The following GPRIN2 variants were observed in gnomAD, a reference collection of about 807,000 sequenced individuals.
GPRIN2 encodes G protein-regulated inducer of neurite outgrowth 2.
In GPRIN2, 1 loss-of-function variant was observed where a neutral mutation model predicts 0.3. The observed-to-expected ratio is 3.90, with a 90% CI of 1.39 to 18.51. The LOEUF is 18.51. Among genes scored for constraint, GPRIN2 ranks in the 30% most tolerant of loss-of-function variants. The pLI, the probability that GPRIN2 is intolerant of heterozygous loss-of-function variation, is 0.11. For missense variants in GPRIN2, 880 were observed against 604.2 expected (o/e 1.46, Z -4.79); for synonymous variants, 361 against 258.6 (o/e 1.40, Z -3.80).
At position 46,548,955 on chromosome 10, in the gene GPRIN2, T is replaced by G; in HGVS notation, c.*405A>C. 9.0e-6 allele frequency: 2 copies of G among 221,612 alleles called. No individual in the cohort carries two copies. The highest frequency in any genetic ancestry group is 8.9e-6 in the Non-Finnish European group (1 of 112,368). 13.7% of individuals were successfully genotyped at this position (221,612 alleles called of 1,614,324 possible). On this transcript the variant is annotated 3_prime_UTR_variant, in exon 3 of 3. Coordinates refer to ENST00000374314, the MANE Select transcript of GPRIN2 (RefSeq NM_001385282.1). ...CAGTCCCTGTCACTGGGGCCTCACA[T>G]TTCATGTCGAGAATTCACTATTTCT...
Position 46,550,381 on chromosome 10 carries a change from C to T in GPRIN2, c.356G>A (p.Arg119Lys), listed in dbSNP as rs1205965063. 4.3e-6 allele frequency: 7 copies of T among 1,612,168 alleles called. No homozygotes were observed. The highest frequency in any genetic ancestry group is 2.2e-5 in the South Asian group (2 of 91,004). ...LRAPSAAAMQ[R>K]SHSDLVRSTQ... ...GCTACGGACCAGGTCTGAATGGCTC[C>T]TCTGCATAGCAGCAGCACTAGGGGC... Residue 119 changes from arginine (R) to lysine (K), a missense_variant, in exon 3 of 3, where the codon AGG (arginine) becomes AAG (lysine). Transcript: ENST00000374314.
At position 46,542,465 on chromosome 10, in the gene GPRIN2, A is replaced by C. The variant is rs1841834120; in HGVS notation, c.*6895T>G. On this transcript the variant is annotated 3_prime_UTR_variant, in exon 3 of 3. Coordinates refer to ENST00000374314, the MANE Select transcript of GPRIN2 (RefSeq NM_001385282.1). ...TCTCACGAGATCTGATGGTTTTATAAGTGTTTGGTAGTTCCTTCTGCATTC... is the reference window on the plus strand; with the variant it reads ...TCTCACGAGATCTGATGGTTTTATACGTGTTTGGTAGTTCCTTCTGCATTC... 6.6e-6 allele frequency among the ~76,000 whole-genome samples: 1 copy of C among 152,312 alleles called. No homozygotes were observed. The highest frequency in any genetic ancestry group is 1.5e-5 in the Non-Finnish European group (1 of 68,058).
chr10:46,551,268 A>C (rs1344320923), intron 2 of GPRIN2: 1 of 433,194 alleles, frequency 2.3e-6, no homozygotes, highest in Non-Finnish European at 3.1e-6. Flanking sequence ...TCTCCTTGGT[A>C]CAGAGTGGGA....
chr10:46,553,122 A>C (rs1378885250), intron 2 of GPRIN2, among the ~76,000 whole-genome samples: 1 of 152,310 alleles, frequency 6.6e-6, no homozygotes, highest in Non-Finnish European at 1.5e-5. Context: ...GGAGAATTCC[A>C]TAAGCTCAGA....
chr10:46,551,595 G>C (rs1366875589), intron 2 of GPRIN2: 3 of 733,394 alleles, frequency 4.1e-6, no homozygotes, highest in African/African-American at 3.8e-5. Context: ...GTGCAGCAGT[G>C]AGATAAGATG....
intron 2 of GPRIN2, among the ~76,000 whole-genome samples, chr10:46,553,978 G>A (rs1842893791): frequency 6.6e-6 from 1 of 152,310 alleles, no homozygotes; most frequent in Admixed American, 6.5e-5. Context: ...GAAGGGGCAG[G>A]GCTCTGCTTC....
rs1832731860 is a variant in GPRIN2 at position 46,549,404 on chromosome 10, G to A, written c.1333C>T (p.Arg445Trp). The A allele has an allele frequency of 1.5e-4, 237 of 1,530,544 alleles. No homozygotes were observed. The East Asian group carries it at 4.0e-3, about 26-fold the overall frequency. 94.8% of individuals were successfully genotyped at this position (1,530,544 alleles called of 1,614,324 possible). The change falls in exon 3 of 3, where the codon CGG becomes TGG. Residue 445 changes from arginine to tryptophan, a missense_variant. Arg to Trp is a moderately radical substitution (Grantham distance 101, BLOSUM62 -3). Transcript: ENST00000374314. The stretch of plus-strand genomic sequence containing the variant: ...GAGCAGCCGCAGCAGCTGGGGCGCC[G>A]CAGGGACTGCATGACAGCCCGCAGT... ...GPLRAVMQSL[R>W]RPSCCGCSGA...
chr10:46,555,753 C>T (rs1843129513), intron 1 of GPRIN2, among the ~76,000 whole-genome samples: 2 of 152,304 alleles, frequency 1.3e-5, no homozygotes, highest in Non-Finnish European at 2.9e-5. Context: ...CTGGGGGGCA[C>T]CTAGGTGGAG....
At chr10:46,555,651 GC>G in intron 1 of GPRIN2, 1 of 153,822 alleles carries the variant, frequency 6.5e-6, no homozygotes, top group Non-Finnish European at 1.4e-5. Context: ...GGGGTCAGTG[GC>G]CCCATGGATG....
chr10:46,547,437 C>G lies in GPRIN2; in HGVS notation c.*1923G>C, dbSNP rs1842266857. Among the ~76,000 whole-genome samples, 1 of 152,310 alleles carries G rather than the reference C, an allele frequency of 6.6e-6. No individual in the cohort carries two copies. Among genetic ancestry groups the G allele is most frequent in the Non-Finnish European group, 1.5e-5 (1 of 68,058 alleles). On this transcript the variant is annotated 3_prime_UTR_variant, in exon 3 of 3. Coordinates refer to ENST00000374314, the MANE Select transcript of GPRIN2 (RefSeq NM_001385282.1). The stretch of plus-strand genomic sequence containing the variant: ...ACAATGGGGACCCCTGGTCACCTCC[C>G]AACCCAACAAACGCTCCAAATGAGC...
At chr10:46,552,875 A>G (rs1298293062) in intron 2 of GPRIN2, among the ~76,000 whole-genome samples, 5 of 152,306 alleles carry the variant, frequency 3.3e-5, no homozygotes, top group African/African-American at 1.2e-4. Flanking sequence ...TGGGAGGATC[A>G]GGAAGAGGAG....
chr10:46,549,251 G>A lies in GPRIN2; in HGVS notation c.*109C>T. ...GGAGGCAGCCAATATTCAGGTGAGAGATGTGCCCAGCTGCCGGTGGGTCCA... is the reference window on the plus strand; with the variant it reads ...GGAGGCAGCCAATATTCAGGTGAGAAATGTGCCCAGCTGCCGGTGGGTCCA... On this transcript the variant is annotated 3_prime_UTR_variant, in exon 3 of 3. Transcript: ENST00000374314. 7.5e-7 allele frequency: 1 copy of A among 1,329,584 alleles called. No homozygotes were observed. Among genetic ancestry groups the A allele is most frequent in the Non-Finnish European group, 9.9e-7 (1 of 1,008,628 alleles). The allele number at this position is 1,329,584 out of a possible 1,614,324, so 82.4% of individuals were successfully genotyped here.
At chr10:46,555,732 G>A (rs1843125429) in intron 1 of GPRIN2, among the ~76,000 whole-genome samples, 1 of 152,308 alleles carries the variant, frequency 6.6e-6, no homozygotes, top group African/African-American at 2.4e-5. Context: ...GGGAGGATTT[G>A]CCCACAATCC....
chr10:46,552,726 G>T (rs1331965192), intron 2 of GPRIN2, among the ~76,000 whole-genome samples: 1 of 152,300 alleles, frequency 6.6e-6, no homozygotes, highest in Non-Finnish European at 1.5e-5. Flanking sequence ...GACACTGAAT[G>T]TTTAAGTTTT....
At chr10:46,553,883 G>C (rs1344145666) in intron 2 of GPRIN2, among the ~76,000 whole-genome samples, 1 of 152,304 alleles carries the variant, frequency 6.6e-6, no homozygotes, top group African/African-American at 2.4e-5. Context: ...GGGGAGTACT[G>C]GGGGAAAGAG....
Position 46,549,733 on chromosome 10 carries a change from G to C in GPRIN2, c.1004C>G (p.Ala335Gly), listed in dbSNP as rs1282346133. The C allele has an allele frequency of 2.5e-6, 4 of 1,614,178 alleles. No homozygotes were observed. Among genetic ancestry groups the C allele is most frequent in the Admixed American group, 3.3e-5 (2 of 60,026 alleles). Residue 335 changes from alanine to glycine, a missense_variant, in exon 3 of 3, where the codon GCT becomes GGT. Ala to Gly is a moderately conservative substitution (Grantham distance 60). Transcript: ENST00000374314. ...AEASPLSAQD[A>G]GVQAAPVAAC... Reference sequence around the variant, plus strand: ...CGCCACTGGGGCCGCCTGCACACCAGCATCCTGGGCTGACAGCGGGGATGC... The same window carrying C: ...CGCCACTGGGGCCGCCTGCACACCACCATCCTGGGCTGACAGCGGGGATGC...
rs1832684450 is a variant in GPRIN2 at position 46,549,545 on chromosome 10, C to T, written c.1192G>A (p.Val398Met). The T allele has an allele frequency of 1.9e-5, 30 of 1,613,702 alleles. No individual in the cohort carries two copies. In the South Asian group the frequency reaches 3.2e-4, roughly 17 times the overall value. ...GMTWEVYGAA[V>M]DLEVLGVAIQ... The stretch of plus-strand genomic sequence containing the variant: ...GCCACACCGAGCACCTCCAGGTCCA[C>T]CGCAGCTCCGTACACCTCCCATGTC... The change falls in exon 3 of 3, where the codon GTG becomes ATG. Residue 398 changes from valine to methionine, a missense_variant. Transcript: ENST00000374314.
intron 2 of GPRIN2, among the ~76,000 whole-genome samples, chr10:46,552,951 C>T (rs1842778430): frequency 6.6e-6 from 1 of 152,306 alleles, no homozygotes; most frequent in African/African-American, 2.4e-5. Context: ...GACATACAAA[C>T]AAAGGAGGGC....
chr10:46,552,466 G>T (rs1808816923), intron 2 of GPRIN2, among the ~76,000 whole-genome samples: 1 of 152,306 alleles, frequency 6.6e-6, no homozygotes, highest in Admixed American at 6.5e-5. Flanking sequence ...AAGGCTACCC[G>T]AGAGGAAATT....
Sources: allele counts gnomAD v4.1 joint callset (sites outside exome capture counted in the v4.1 genomes callset), GRCh38; gene constraint gnomAD v4.1.1; transcripts MANE v1.5; gene names NCBI Gene and HGNC (gene_info 2026-07-23, HGNC 2026-07-21).